The following SLC15A5 variants were observed in gnomAD, a reference collection of about 807,000 sequenced individuals.
SLC15A5 encodes the protein Peptide/histidine transporter ENSP00000340402.
SLC15A5 carries 58 observed loss-of-function variants against 56.1 expected under a neutral mutation model. That is an observed-to-expected ratio of 1.03 (90% CI 0.84 to 1.29). SLC15A5 has a LOEUF of 1.29. Among genes scored for constraint, SLC15A5 ranks in the 50% most tolerant of loss-of-function variants. The probability of loss-of-function intolerance (pLI) is 0.00; values close to 1 mark genes in which losing one functional copy is unlikely to be tolerated. For synonymous variants in SLC15A5, 264 were observed against 250.5 expected, an observed-to-expected ratio of 1.05 and a Z score of -0.51; for missense variants, 681 against 672.1, an observed-to-expected ratio of 1.01 and a Z score of -0.15.
intron 3 of SLC15A5, among the ~76,000 whole-genome samples, chr12:16,256,934 A>ATAGATAGT (rs1864581442): frequency 1.3e-5 from 2 of 151,682 alleles, no homozygotes; most frequent in South Asian, 4.2e-4. Flanking sequence ...AGATAGATAG[A>ATAGATAGT]TAGATAGATA....
Position 16,243,294 on chromosome 12 carries a change from T to G in SLC15A5, c.975+1286A>C, listed in dbSNP as rs138596930. ...GGCATGATCTCTGCTCACCGCAACC[T>G]CCGCCTCCTGGGTTCAAGCGATTCT... On this transcript the variant is annotated intron_variant, in intron 4 of 8. Transcript: ENST00000344941. This position sits in a 1 kb window ranked among gnomAD's most constrained non-coding sequence, Gnocchi z 4.4. 4.0e-5 allele frequency among the ~76,000 whole-genome samples: 6 copies of G among 150,902 alleles called. No individual in the cohort carries two copies. The highest frequency in any genetic ancestry group is 7.4e-5 in the Non-Finnish European group (5 of 67,848).
At chr12:16,258,359 A>G (rs1388953791) in intron 2 of SLC15A5, among the ~76,000 whole-genome samples, 2 of 152,186 alleles carry the variant, frequency 1.3e-5, no homozygotes, top group African/African-American at 2.4e-5. Context: ...TTAGAATAGC[A>G]TGTAACTGAA....
At chr12:16,214,077 A>T (rs1255353701) in intron 7 of SLC15A5, among the ~76,000 whole-genome samples, 1 of 152,210 alleles carries the variant, frequency 6.6e-6, no homozygotes, top group African/African-American at 2.4e-5. Flanking sequence ...ACCAGTTGTG[A>T]TGACTAGAGA....
intron 7 of SLC15A5, among the ~76,000 whole-genome samples, chr12:16,195,356 TA>T (rs1863883638): frequency 6.6e-6 from 1 of 152,074 alleles, no homozygotes; most frequent in African/African-American, 2.4e-5. Flanking sequence ...ATGTGATACT[TA>T]ATTTTAGGCA....
intron 7 of SLC15A5, among the ~76,000 whole-genome samples, chr12:16,209,162 CT>C (rs1864053406): frequency 2.6e-5 from 4 of 151,952 alleles, no homozygotes; most frequent in African/African-American, 7.3e-5. Context: ...CTTCATCCTA[CT>C]TGATTTTATA....
At chr12:16,264,202 G>A (rs1030026364) in intron 2 of SLC15A5, among the ~76,000 whole-genome samples, 2 of 152,220 alleles carry the variant, frequency 1.3e-5, no homozygotes, top group African/African-American at 4.8e-5. Flanking sequence ...GAAGGCCATG[G>A]GAACCCACCT....
chr12:16,196,154 A>G lies in SLC15A5; in HGVS notation c.1484-1701T>C, dbSNP rs1014816387. ...GATTATTTGGCAAAATAATACCAAA[A>G]TAGGTATTATGATAGGTATAAATAA... On this transcript the variant is annotated intron_variant, in intron 7 of 8. Coordinates refer to ENST00000344941, the MANE Select transcript of SLC15A5 (RefSeq NM_001170798.1). This position sits in a 1 kb window ranked among gnomAD's most constrained non-coding sequence, Gnocchi z 4.0. Among the ~76,000 whole-genome samples the G allele has an allele frequency of 6.6e-6, 1 of 152,074 alleles. No individual in the cohort carries two copies. The highest frequency in any genetic ancestry group is 2.4e-5 in the African/African-American group (1 of 41,438).
intron 7 of SLC15A5, among the ~76,000 whole-genome samples, chr12:16,210,603 G>T (rs1261348995): frequency 2.6e-5 from 4 of 152,152 alleles, no homozygotes; most frequent in Non-Finnish European, 4.4e-5. Context: ...TGAAAGGTAA[G>T]TCACTAGTGA....
intron 8 of SLC15A5, among the ~76,000 whole-genome samples, chr12:16,192,413 C>T (rs1291372369): frequency 4.6e-5 from 7 of 151,968 alleles, no homozygotes; most frequent in Non-Finnish European, 7.4e-5. Context: ...ATCTTTGGTT[C>T]CTCCAATCTC....
Position 16,188,682 on chromosome 12 carries a change from T to C in SLC15A5, c.*986A>G, listed in dbSNP as rs1204323777. On this transcript the variant is annotated 3_prime_UTR_variant, in exon 9 of 9. Coordinates refer to ENST00000344941, the MANE Select transcript of SLC15A5 (RefSeq NM_001170798.1). ...TGGGTGTGCTTATTAAAACCACCAA[T>C]TGCTGGACCCCAATCTCAAAAAAAG... 2.0e-5 allele frequency: 3 copies of C among 152,192 alleles called. No homozygotes were observed. Among genetic ancestry groups the C allele is most frequent in the African/African-American group, 7.2e-5 (3 of 41,444 alleles). 9.4% of individuals were successfully genotyped at this position (152,192 alleles called of 1,614,324 possible). A position where few individuals can be genotyped will look rare whatever the true frequency, so the allele number is the denominator to read the frequency against.
intron 7 of SLC15A5, among the ~76,000 whole-genome samples, chr12:16,197,177 C>A (rs1863902612): frequency 6.6e-6 from 1 of 151,968 alleles, no homozygotes; most frequent in Admixed American, 6.6e-5. Flanking sequence ...TCTTAAATAT[C>A]ATTTTTAGCA....
chr12:16,237,260 C>G lies in SLC15A5; in HGVS notation c.1162+2421G>C, dbSNP rs1008975395. Among the ~76,000 whole-genome samples, 2 of 152,116 alleles carry G rather than the reference C, an allele frequency of 1.3e-5. No homozygotes were observed. The highest frequency in any genetic ancestry group is 2.9e-5 in the Non-Finnish European group (2 of 68,000). On this transcript the variant is annotated intron_variant, in intron 5 of 8. Transcript: ENST00000344941. This position sits in a 1 kb window ranked among gnomAD's most constrained non-coding sequence, Gnocchi z 4.1. ...ATAATCATAACCAGAATATGGAAAA[C>G]TTAAGCAAATATCTAGTTTAAAAGA... is the stretch of plus-strand genomic sequence containing the variant.
chr12:16,240,240 T>TA (rs1379689491), intron 4 of SLC15A5, among the ~76,000 whole-genome samples: 4 of 152,038 alleles, frequency 2.6e-5, no homozygotes, highest in Non-Finnish European at 5.9e-5. Flanking sequence ...ATAAAACCAG[T>TA]AAAAAATACT....
chr12:16,227,481 C>T (rs1202484548), intron 5 of SLC15A5, among the ~76,000 whole-genome samples: 2 of 152,076 alleles, frequency 1.3e-5, no homozygotes, highest in Non-Finnish European at 2.9e-5. Flanking sequence ...AGGAGAAGAA[C>T]TTATTGCTAG....
At chr12:16,276,953 T>C (rs1318390522) in intron 1 of SLC15A5, among the ~76,000 whole-genome samples, 1 of 152,062 alleles carries the variant, frequency 6.6e-6, no homozygotes, top group Admixed American at 6.6e-5. Context: ...TTTTAGCACA[T>C]TTCATCTTAG....
chr12:16,212,051 T>C (rs1348177052), intron 7 of SLC15A5, among the ~76,000 whole-genome samples: 2 of 152,090 alleles, frequency 1.3e-5, no homozygotes, highest in East Asian at 1.9e-4. Context: ...TCCTTAAAGG[T>C]TGAAAATATC....
chr12:16,220,835 G>A (rs1289132046), intron 6 of SLC15A5, among the ~76,000 whole-genome samples: 2 of 151,818 alleles, frequency 1.3e-5, no homozygotes, highest in Non-Finnish European at 2.9e-5. Flanking sequence ...TTTTTTAACT[G>A]ATGTGTCTAA....
intron 1 of SLC15A5, among the ~76,000 whole-genome samples, chr12:16,276,997 A>T (rs1396050163): frequency 1.3e-5 from 2 of 152,008 alleles, no homozygotes; most frequent in Non-Finnish European, 2.9e-5. Flanking sequence ...TTTCTGAGGG[A>T]ATTTGTCATG....
chr12:16,276,738 C>T (rs1864824905), intron 1 of SLC15A5, among the ~76,000 whole-genome samples: 1 of 151,856 alleles, frequency 6.6e-6, no homozygotes, highest in Non-Finnish European at 1.5e-5. Context: ...CACAATCGGT[C>T]CCAAACTTTT....
Sources: gnomAD v4.1 joint callset for allele counts (sites outside exome capture counted in the v4.1 genomes callset) on GRCh38, gnomAD v4.1.1 for gene constraint, Gnocchi (gnomAD v3.1) non-coding constraint, MANE v1.5 for transcripts, NCBI Gene and HGNC (gene_info 2026-07-23, HGNC 2026-07-21) for gene names.